Variants in ABI3BP observed in about 807,000 individuals in gnomAD.
ABI3BP encodes target of Nesh-SH3.
In ABI3BP, 216 loss-of-function variants were observed where a neutral mutation model predicts 268.6. That is an observed-to-expected ratio of 0.80 (90% CI 0.72 to 0.90). ABI3BP has a LOEUF of 0.90. Among genes scored for constraint, ABI3BP ranks in the 40% least tolerant of loss-of-function variants. The pLI is 0.00. For missense variants in ABI3BP, 2,090 were observed against 2,182.4 expected (o/e 0.96, Z 0.84); for synonymous variants, 730 against 730.0 (o/e 1.00, Z 0.00).
intron 1 of ABI3BP, among the ~76,000 whole-genome samples, chr3:100,931,147 C>T (rs955096511): frequency 2.0e-5 from 3 of 152,004 alleles, no homozygotes; most frequent in Non-Finnish European, 4.4e-5. Flanking sequence ...AACATCCTTC[C>T]ATGTTAAAAA....
intron 52 of ABI3BP, 70 bp from the exon 53 acceptor site, chr3:100,795,921 T>A: frequency 3.5e-6 from 4 of 1,138,732 alleles, no homozygotes; most frequent in Non-Finnish European, 4.5e-6. Context: ...AATAGTTTCC[T>A]TATTTTTTAG....
At chr3:100,899,331 A>ATG (rs1362505260) in intron 3 of ABI3BP, among the ~76,000 whole-genome samples, 4 of 152,216 alleles carry the variant, frequency 2.6e-5, no homozygotes, top group African/African-American at 9.7e-5. Context: ...ATGAGTGTGA[A>ATG]ATAACATCTA....
In ABI3BP at chr3:100,894,965, A is replaced by AAAAAAAAAAAAAAAAAAAAC. The variant is rs760156604; in HGVS notation, c.461+3796_461+3797insGTTTTTTTTTTTTTTTTTTT. Among the ~76,000 whole-genome samples, 34 of 120,874 alleles carry AAAAAAAAAAAAAAAAAAAAC rather than the reference A, an allele frequency of 2.8e-4. 4 individuals are homozygous for AAAAAAAAAAAAAAAAAAAAC. Among genetic ancestry groups the AAAAAAAAAAAAAAAAAAAAC allele is most frequent in the Non-Finnish European group, 5.1e-4 (26 of 51,386 alleles). 79.3% of individuals were successfully genotyped at this position (120,874 alleles called of 152,430 possible). On this transcript the variant is annotated intron_variant, in intron 4 of 67. Transcript: ENST00000471714. ...AAAAAAAAAAAAAAAAAAAAAAAAA[A>AAAAAAAAAAAAAAAAAAAAC]AACAGAAAAAAAAAACACAAGATGA...
chr3:100,870,743 G>A (rs2099101064), intron 9 of ABI3BP, among the ~76,000 whole-genome samples: 1 of 152,144 alleles, frequency 6.6e-6, no homozygotes, highest in African/African-American at 2.4e-5. Context: ...GATACATACA[G>A]TCCCACATTC....
At chr3:100,761,011 T>G (rs901894023) in intron 63 of ABI3BP, among the ~76,000 whole-genome samples, 5 of 152,160 alleles carry the variant, frequency 3.3e-5, no homozygotes, top group Non-Finnish European at 7.4e-5. Flanking sequence ...CAATAGTTGA[T>G]TTTTCTGCTC....
Position 100,754,707 on chromosome 3 carries a change from TA to T in ABI3BP, c.4851-17del. On this transcript the variant is annotated splice_polypyrimidine_tract_variant and intron_variant, in intron 63 of 67. Transcript: ENST00000471714. ...GAATTCATAACTGTTTAGGGGAAAA[TA>T]AAAAAATACTTGTAATACATTCTTG... The T allele has an allele frequency of 1.3e-6, 2 of 1,560,596 alleles. No homozygotes were observed. Among genetic ancestry groups the T allele is most frequent in the African/African-American group, 1.4e-5 (1 of 73,792 alleles).
chr3:100,922,351 G>GTGAGGTTGCGTGACAAGT (rs1255361490), intron 2 of ABI3BP, among the ~76,000 whole-genome samples: 1 of 152,190 alleles, frequency 6.6e-6, no homozygotes, highest in Admixed American at 6.5e-5. Context: ...CTGTGAAGAT[G>GTGAGGTTGCGTGACAAGT]TGAGGTTGCG....
chr3:100,864,436 T>C (rs551038809), intron 11 of ABI3BP: 4 of 334,450 alleles, frequency 1.2e-5, no homozygotes, highest in East Asian at 1.1e-4. Context: ...TGGGGATTCT[T>C]CCCAAATTTA....
intron 51 of ABI3BP, among the ~76,000 whole-genome samples, chr3:100,801,318 C>CG (rs1462966486): frequency 6.7e-6 from 1 of 150,226 alleles, no homozygotes; most frequent in African/African-American, 2.5e-5. Context: ...GTCCCAGCTA[C>CG]TTGGGAGGCT....
chr3:100,766,282 T>C (rs2096266522), intron 62 of ABI3BP, among the ~76,000 whole-genome samples: 1 of 152,240 alleles, frequency 6.6e-6, no homozygotes, highest in Non-Finnish European at 1.5e-5. Context: ...TCAGATAGTC[T>C]GCCGCTGCTG....
chr3:100,825,935 C>T, intron 34 of ABI3BP, 91 bp from the exon 35 acceptor site: 1 of 919,422 alleles, frequency 1.1e-6, no homozygotes, highest in African/African-American at 1.6e-5. Flanking sequence ...TGTAACACTG[C>T]CTCTAGGATA....
chr3:100,835,770 C>T (rs1426919251), intron 27 of ABI3BP, 110 bp from the exon 28 acceptor site: 1 of 900,786 alleles, frequency 1.1e-6, no homozygotes, highest in Admixed American at 2.7e-5. Context: ...CATTTCTGAA[C>T]TCTGGGAAAA....
intron 4 of ABI3BP, among the ~76,000 whole-genome samples, chr3:100,894,759 G>GA (rs2046421601): frequency 6.6e-6 from 1 of 151,682 alleles, no homozygotes; most frequent in African/African-American, 2.4e-5. Flanking sequence ...CTAACACGGT[G>GA]AAACCCCACC....
intron 12 of ABI3BP, chr3:100,863,732 A>G (rs2099022826): frequency 2.6e-6 from 1 of 388,270 alleles, no homozygotes; most frequent in Admixed American, 4.0e-5. Flanking sequence ...CACATTTACA[A>G]AAAATACAGA....
rs186809276 is a variant in ABI3BP at position 100,820,379 on chromosome 3, A to G, written c.2948-76T>C. On this transcript the variant is annotated intron_variant, in intron 39 of 67. Coordinates refer to ENST00000471714, the MANE Select transcript of ABI3BP (RefSeq NM_001375547.2). Reference sequence around the variant, plus strand: ...TGAGTAGCATGACATACGGTTTGAGATCTCTTAAAACTTACTAGATTTTCT... The same window carrying G: ...TGAGTAGCATGACATACGGTTTGAGGTCTCTTAAAACTTACTAGATTTTCT... 24 of 1,165,372 alleles carry G rather than the reference A, an allele frequency of 2.1e-5. No individual in the cohort carries two copies. The South Asian group carries it at 2.5e-4, about 12-fold the overall frequency. 72.2% of individuals were successfully genotyped at this position (1,165,372 alleles called of 1,614,324 possible).
chr3:100,910,226 A>G (rs576862950), intron 2 of ABI3BP, among the ~76,000 whole-genome samples: 56 of 152,242 alleles, frequency 3.7e-4, no homozygotes, highest in African/African-American at 1.3e-3. Context: ...ACATGGACAC[A>G]GGGAGGGGAA....
chr3:100,809,154 T>G (rs2097785997), intron 49 of ABI3BP, among the ~76,000 whole-genome samples: 1 of 152,082 alleles, frequency 6.6e-6, no homozygotes, highest in Non-Finnish European at 1.5e-5. Context: ...AATACTGATA[T>G]ATGTTGGAGA....
chr3:100,835,651 G>C lies in ABI3BP; in HGVS notation c.2141C>G (p.Thr714Arg). The C allele has an allele frequency of 1.3e-6, 2 of 1,534,904 alleles. No homozygotes were observed. The highest frequency in any genetic ancestry group is 8.7e-7 in the Non-Finnish European group (1 of 1,146,048). Residue 714 changes from threonine (T) to arginine (R), a missense_variant, in exon 28 of 68, where the codon ACA (threonine) becomes AGA (arginine). Physicochemically the swap from Thr to Arg is moderately conservative, Grantham distance 71. Coordinates refer to ENST00000471714, the MANE Select transcript of ABI3BP (RefSeq NM_001375547.2). ...TCTCACAGTTACAGGCTCAATGTCTGTGGTGGGAACTAACCAAAAGCAATA... is the reference window on the plus strand; with the variant it reads ...TCTCACAGTTACAGGCTCAATGTCTCTGGTGGGAACTAACCAAAAGCAATA... Reference protein sequence around the residue: ...EAPSMTIVPTTDIEPVTVRTE... With the variant: ...EAPSMTIVPTRDIEPVTVRTE...
Position 100,850,077 on chromosome 3 carries a change from A to T in ABI3BP, c.1469T>A (p.Phe490Tyr), listed in dbSNP as rs2098820805. Residue 490 changes from phenylalanine to tyrosine, a missense_variant, in exon 17 of 68, where the codon TTT becomes TAT. By Grantham distance (22) the Phe-to-Tyr change is conservative. Transcript: ENST00000471714. Reference protein sequence around the residue: ...TPFVPQKLEIFTSPEMQPTTP... With the variant: ...TPFVPQKLEIYTSPEMQPTTP... ...CGTAGGCTGCATTTCTGGACTGGTAAAGATTTCCAGTTTTTGAGGAACAAA... is the reference window on the plus strand; with the variant it reads ...CGTAGGCTGCATTTCTGGACTGGTATAGATTTCCAGTTTTTGAGGAACAAA... 1 of 1,611,514 alleles carries T rather than the reference A, an allele frequency of 6.2e-7. No homozygotes were observed.
Sources: allele counts gnomAD v4.1 joint callset (sites outside exome capture counted in the v4.1 genomes callset), GRCh38; gene constraint gnomAD v4.1.1; transcripts MANE v1.5; gene names NCBI Gene and HGNC (gene_info 2026-07-23, HGNC 2026-07-21).